The following RALGPS1 variants were observed in gnomAD, a reference collection of about 807,000 sequenced individuals.
RALGPS1 encodes the protein ras-specific guanine nucleotide-releasing factor RalGPS1.
In RALGPS1, 19 loss-of-function variants were observed where a neutral mutation model predicts 78.8. The ratio of observed to expected loss-of-function variants is 0.24; its 90% CI spans 0.17 to 0.35. RALGPS1 has a LOEUF of 0.35. RALGPS1 is among the 10% of genes least tolerant of loss of function. RALGPS1 has a pLI of 1.00. For missense variants in RALGPS1, 454 were observed against 688.3 expected, an observed-to-expected ratio of 0.66 and a Z score of 3.81; for synonymous variants, 228 against 256.3, an observed-to-expected ratio of 0.89 and a Z score of 1.06.
intron 1 of RALGPS1, among the ~76,000 whole-genome samples, chr9:126,954,092 C>G (rs1454829367): frequency 1.3e-5 from 2 of 152,208 alleles, no homozygotes; most frequent in Non-Finnish European, 2.9e-5. Context: ...TGGTTCTTCT[C>G]AGCGATGTCT....
chr9:127,176,049 G>A (rs1050072351), intron 11 of RALGPS1, among the ~76,000 whole-genome samples: 1 of 152,088 alleles, frequency 6.6e-6, no homozygotes, highest in Non-Finnish European at 1.5e-5. Context: ...GCCTCTCCTG[G>A]CTGCATTGGA....
In RALGPS1 at chr9:127,091,917, G is replaced by A. The variant is rs780907337; in HGVS notation, c.610+22561G>A. Reference sequence around the variant, plus strand: ...TGTTCTCCAGGCCCAGCCAGTATTCGCCGTCAATGTTCCCAAACCCTTGCT... The same window carrying A: ...TGTTCTCCAGGCCCAGCCAGTATTCACCGTCAATGTTCCCAAACCCTTGCT... On this transcript the variant is annotated intron_variant, in intron 8 of 18. Transcript: ENST00000259351. The surrounding 1 kb of genome is among the most constrained non-coding windows in gnomAD (Gnocchi z 4.3). The A allele has an allele frequency of 7.4e-6, 12 of 1,613,936 alleles. No homozygotes were observed. Among genetic ancestry groups the A allele is most frequent in the Admixed American group, 3.3e-5 (2 of 59,992 alleles).
chr9:127,138,992 T>G (rs2057589081), intron 8 of RALGPS1, among the ~76,000 whole-genome samples: 1 of 152,240 alleles, frequency 6.6e-6, no homozygotes, highest in African/African-American at 2.4e-5. Context: ...GATTCCTGGT[T>G]TGAGATTTAC....
chr9:127,174,197 G>C (rs991266685), intron 10 of RALGPS1, among the ~76,000 whole-genome samples: 1 of 150,230 alleles, frequency 6.7e-6, no homozygotes, highest in African/African-American at 2.5e-5. Context: ...CCAGCCTGGC[G>C]ACAGAGCAAG....
rs1349528045 is a variant in RALGPS1, at chr9:127,107,598, C to T, written c.610+38242C>T. On this transcript the variant is annotated intron_variant, in intron 8 of 18. Coordinates refer to ENST00000259351, the MANE Select transcript of RALGPS1 (RefSeq NM_014636.3). Reference sequence around the variant, plus strand: ...AGAGACATTCTCTTCTATCTGCCAACACACGGGATCTCATGCAGAGCCTAG... The same window carrying T: ...AGAGACATTCTCTTCTATCTGCCAATACACGGGATCTCATGCAGAGCCTAG... Among the ~76,000 whole-genome samples, 5 of 152,236 alleles carry T rather than the reference C, an allele frequency of 3.3e-5. No homozygotes were observed. The East Asian group carries it at 5.8e-4, about 18-fold the overall frequency.
intron 8 of RALGPS1, among the ~76,000 whole-genome samples, chr9:127,141,616 CAAAAAAAAAAA>C (rs61291398): frequency 8.6e-4 from 59 of 68,676 alleles, no homozygotes; most frequent in African/African-American, 3.4e-3. Context: ...TTTTTAATGG[CAAAAAAAAAAA>C]AAAAAAAAAA....
intron 8 of RALGPS1, among the ~76,000 whole-genome samples, chr9:127,074,696 T>C (rs1353474663): frequency 6.6e-6 from 1 of 152,262 alleles, no homozygotes; most frequent in African/African-American, 2.4e-5. Flanking sequence ...ATCATTTCAC[T>C]GAATGCGCAC....
intron 4 of RALGPS1, among the ~76,000 whole-genome samples, chr9:126,997,590 C>T (rs1178527492): frequency 1.3e-5 from 2 of 152,186 alleles, no homozygotes; most frequent in African/African-American, 4.8e-5. Flanking sequence ...AATGACCATA[C>T]TGCCCAAGGT....
At chr9:127,048,778 T>C (rs1388610752) in intron 5 of RALGPS1, among the ~76,000 whole-genome samples, 1 of 152,226 alleles carries the variant, frequency 6.6e-6, no homozygotes, top group Non-Finnish European at 1.5e-5. Flanking sequence ...AAAAACTTTT[T>C]TCTGTAACTG....
chr9:127,144,375 G>A (rs1056460288), intron 8 of RALGPS1, among the ~76,000 whole-genome samples: 1 of 152,140 alleles, frequency 6.6e-6, no homozygotes, highest in South Asian at 2.1e-4. Context: ...ATTTTAGATG[G>A]CATGGTAGAT....
rs541852628 is a variant in RALGPS1 at position 126,927,915 on chromosome 9, G to A, written c.-66+12940G>A. Among the ~76,000 whole-genome samples, 10 of 152,284 alleles carry A rather than the reference G, an allele frequency of 6.6e-5. No homozygotes were observed. The South Asian group carries it at 2.1e-3, about 32-fold the overall frequency. ...GGTAGGTATCTGTGACTTGGGGTTG[G>A]GGTGCATCCCTGGTCCACTCTGTAT... On this transcript the variant is annotated intron_variant, in intron 1 of 18. Transcript: ENST00000259351.
intron 5 of RALGPS1, among the ~76,000 whole-genome samples, chr9:127,046,836 C>T (rs2047834827): frequency 6.6e-6 from 1 of 151,648 alleles, no homozygotes; most frequent in African/African-American, 2.4e-5. Context: ...GCAGGCAGTT[C>T]AGAAGGCAAA....
At chr9:127,133,080 A>G (rs1027446636) in intron 8 of RALGPS1, among the ~76,000 whole-genome samples, 3 of 152,214 alleles carry the variant, frequency 2.0e-5, no homozygotes, top group Non-Finnish European at 4.4e-5. Context: ...GGACATGTAC[A>G]TGTTAGGTGC....
At chr9:126,926,958 A>G (rs1353592413) in intron 1 of RALGPS1, among the ~76,000 whole-genome samples, 3 of 152,202 alleles carry the variant, frequency 2.0e-5, no homozygotes, top group African/African-American at 7.2e-5. Flanking sequence ...GGTAGGAGGA[A>G]GGTTGTGAAT....
chr9:127,002,621 A>G (rs1474038741), intron 4 of RALGPS1, among the ~76,000 whole-genome samples: 1 of 114,426 alleles, frequency 8.7e-6, no homozygotes, highest in Admixed American at 1.2e-4. Flanking sequence ...CACAGTCCCT[A>G]GAGTGTGATA....
chr9:126,928,518 G>A (rs143612490), intron 1 of RALGPS1, among the ~76,000 whole-genome samples: 1,763 of 152,218 alleles, frequency 0.012, 14 homozygotes, highest in Middle Eastern at 0.034. Context: ...AGAACATAAA[G>A]AAATGTTTCA....
intron 8 of RALGPS1, among the ~76,000 whole-genome samples, chr9:127,093,054 C>G (rs750475047): frequency 6.6e-6 from 1 of 152,104 alleles, no homozygotes; most frequent in Non-Finnish European, 1.5e-5. Context: ...GAGGTTGATA[C>G]GAGATTAAAC....
intron 13 of RALGPS1, 80 bp from the exon 14 acceptor site, chr9:127,198,935 G>A (rs2061477251): frequency 8.0e-7 from 1 of 1,257,292 alleles, no homozygotes; most frequent in Non-Finnish European, 1.2e-6. Flanking sequence ...GAGCTCAGGG[G>A]GCCTGGGCTC....
intron 8 of RALGPS1, among the ~76,000 whole-genome samples, chr9:127,071,761 G>GT (rs534657817): frequency 5.2e-4 from 79 of 151,808 alleles, no homozygotes; most frequent in African/African-American, 1.8e-3. Context: ...TTAAGACAGT[G>GT]TTTTTTTCAT....
Sources: gnomAD v4.1 joint callset for allele counts (sites outside exome capture counted in the v4.1 genomes callset) on GRCh38, gnomAD v4.1.1 for gene constraint, Gnocchi (gnomAD v3.1) non-coding constraint, MANE v1.5 for transcripts, NCBI Gene and HGNC (gene_info 2026-07-23, HGNC 2026-07-21) for gene names.